Variants in CCSER1 observed in about 807,000 individuals in gnomAD.
CCSER1 encodes coiled-coil serine rich protein 1.
A neutral mutation model predicts 82.0 loss-of-function variants in CCSER1; 41 were observed. The ratio of observed to expected loss-of-function variants is 0.50; its 90% CI spans 0.39 to 0.65. The LOEUF is 0.65. CCSER1 is among the 30% of genes least tolerant of loss of function. CCSER1 has a pLI of 0.00. For missense variants in CCSER1, 1,119 were observed against 1,064.2 expected, an observed-to-expected ratio of 1.05 and a Z score of -0.72; for synonymous variants, 414 against 383.9, an observed-to-expected ratio of 1.08 and a Z score of -0.92.
chr4:91,196,653 G>A (rs1735461211), intron 10 of CCSER1, among the ~76,000 whole-genome samples: 1 of 152,128 alleles, frequency 6.6e-6, no homozygotes, highest in African/African-American at 2.4e-5. Flanking sequence ...TTGATAAATT[G>A]ATCATTTGGT....
At chr4:90,974,502 T>C (rs1735426798) in intron 9 of CCSER1, among the ~76,000 whole-genome samples, 1 of 149,036 alleles carries the variant, frequency 6.7e-6, no homozygotes, top group Admixed American at 6.8e-5. Flanking sequence ...GCCTCCAGAA[T>C]GGAAGAACAT....
At chr4:90,443,647 A>G (rs911581888) in intron 4 of CCSER1, among the ~76,000 whole-genome samples, 1 of 152,170 alleles carries the variant, frequency 6.6e-6, no homozygotes, top group African/African-American at 2.4e-5. Context: ...TTGCTAAAGG[A>G]TAAAATATAT....
At chr4:90,383,163 G>A (rs1313020004) in intron 3 of CCSER1, among the ~76,000 whole-genome samples, 2 of 152,030 alleles carry the variant, frequency 1.3e-5, no homozygotes, top group African/African-American at 4.8e-5. Context: ...TAGATATTGA[G>A]GATAGGGTAA....
At chr4:90,172,910 G>C (rs1295323325) in intron 1 of CCSER1, among the ~76,000 whole-genome samples, 5 of 151,922 alleles carry the variant, frequency 3.3e-5, no homozygotes, top group South Asian at 2.1e-4. Flanking sequence ...GCAATAATTT[G>C]TGATTGATTT....
chr4:90,970,761 C>A (rs1175711945), intron 9 of CCSER1, among the ~76,000 whole-genome samples: 1 of 151,642 alleles, frequency 6.6e-6, no homozygotes, highest in African/African-American at 2.4e-5. Flanking sequence ...TGGTATTAAA[C>A]TAGAAATCAA....
At chr4:91,151,282 G>A (rs956862901) in intron 10 of CCSER1, among the ~76,000 whole-genome samples, 8 of 151,978 alleles carry the variant, frequency 5.3e-5, no homozygotes, top group African/African-American at 1.7e-4. Flanking sequence ...ATTCTCTGAT[G>A]GTAGTTTGTA....
At chr4:91,590,235 A>T (rs970573373) in intron 10 of CCSER1, among the ~76,000 whole-genome samples, 4 of 152,036 alleles carry the variant, frequency 2.6e-5, no homozygotes, top group African/African-American at 4.8e-5. Context: ...GAACCAGAAG[A>T]AGTAGTTTAA....
intron 4 of CCSER1, among the ~76,000 whole-genome samples, chr4:90,459,166 T>A (rs1320653495): frequency 1.3e-5 from 2 of 152,108 alleles, no homozygotes; most frequent in African/African-American, 4.8e-5. Flanking sequence ...ACGATCTAGT[T>A]TTAAATACAC....
intron 10 of CCSER1, among the ~76,000 whole-genome samples, chr4:91,156,407 G>A (rs1039033260): frequency 1.3e-5 from 2 of 151,370 alleles, no homozygotes; most frequent in Non-Finnish European, 3.0e-5. Flanking sequence ...TTTTACAACT[G>A]TTCTGATCCT....
rs187189511 is a variant in CCSER1, at chr4:91,299,162, A to G, written c.2217+213168A>G. ...GGCATATATTAAAATATTAAATATT[A>G]TGGTAAAATTTAAGCTCCATAATGC... is the stretch of plus-strand genomic sequence containing the variant. On this transcript the variant is annotated intron_variant, in intron 10 of 10. Transcript: ENST00000509176. 5.3e-4 allele frequency among the ~76,000 whole-genome samples: 80 copies of G among 152,144 alleles called. 1 individual carries two copies. In the East Asian group the frequency reaches 9.4e-3, roughly 18 times the overall value.
At chr4:90,386,912 A>C (rs914374454) in intron 3 of CCSER1, among the ~76,000 whole-genome samples, 1 of 152,106 alleles carries the variant, frequency 6.6e-6, no homozygotes, top group Non-Finnish European at 1.5e-5. Context: ...GTGTTTTTTT[A>C]TGTCATTTAT....
intron 10 of CCSER1, among the ~76,000 whole-genome samples, chr4:91,179,051 C>A (rs1001102155): frequency 1.3e-5 from 2 of 152,110 alleles, no homozygotes; most frequent in East Asian, 3.9e-4. Context: ...ATTTCTCCTT[C>A]TTTTATGAAG....
chr4:90,394,452 C>G (rs145664576), intron 3 of CCSER1, among the ~76,000 whole-genome samples: 1,545 of 152,180 alleles, frequency 0.01, 17 homozygotes, highest in South Asian at 0.03. Context: ...GTAAATGTCT[C>G]CTTTTGAAGA....
At chr4:90,445,331 T>C (rs1391176276) in intron 4 of CCSER1, among the ~76,000 whole-genome samples, 4 of 152,208 alleles carry the variant, frequency 2.6e-5, no homozygotes, top group African/African-American at 7.2e-5. Context: ...AGTGATACTT[T>C]CTCTGGGAAG....
Position 90,513,092 on chromosome 4 carries a change from C to T in CCSER1, c.1724+44738C>T, listed in dbSNP as rs77906227. Among the ~76,000 whole-genome samples the T allele has an allele frequency of 2.0e-3, 298 of 152,194 alleles. 9 individuals carry two copies. In the East Asian group the frequency reaches 0.047, roughly 24 times the overall value. On this transcript the variant is annotated intron_variant, in intron 5 of 10. Coordinates refer to ENST00000509176, the MANE Select transcript of CCSER1 (RefSeq NM_001145065.2). ...CATGAAGTAAACTTGTAAACTTGCC[C>T]AGCAAAACATAAGACTCACTTGAGG...
At chr4:90,701,132 C>A (rs1738024687) in intron 6 of CCSER1, among the ~76,000 whole-genome samples, 1 of 152,182 alleles carries the variant, frequency 6.6e-6, no homozygotes, top group South Asian at 2.1e-4. Context: ...ACATTGAAGT[C>A]TTTAATCCAT....
intron 9 of CCSER1, among the ~76,000 whole-genome samples, chr4:90,931,031 C>A (rs74787157): frequency 4.2e-5 from 6 of 142,900 alleles, no homozygotes; most frequent in East Asian, 2.0e-4. Context: ...ATATATATAT[C>A]TTTGACATAT....
At chr4:90,246,529 T>C (rs1721431374) in intron 1 of CCSER1, among the ~76,000 whole-genome samples, 1 of 152,152 alleles carries the variant, frequency 6.6e-6, no homozygotes, top group Admixed American at 6.6e-5. Context: ...ATGGCTTTTG[T>C]CGGAACTCTT....
intron 10 of CCSER1, among the ~76,000 whole-genome samples, chr4:91,196,808 TCTTA>T (rs1431816540): frequency 6.6e-6 from 1 of 152,222 alleles, no homozygotes; most frequent in African/African-American, 2.4e-5. Context: ...CAGCATTCAC[TCTTA>T]CTTAGCAGCA....
Sources: gnomAD v4.1 joint callset for allele counts (sites outside exome capture counted in the v4.1 genomes callset) on GRCh38, gnomAD v4.1.1 for gene constraint, MANE v1.5 for transcripts, NCBI Gene and HGNC (gene_info 2026-07-23, HGNC 2026-07-21) for gene names.